Variants in NEK11 observed in about 807,000 individuals in gnomAD.
NEK11 encodes serine/threonine-protein kinase Nek11.
NEK11 carries 72 observed loss-of-function variants against 80.7 expected under a neutral mutation model. The observed-to-expected ratio is 0.89, with a 90% confidence interval of 0.74 to 1.08. The LOEUF is 1.08. Among genes scored for constraint, NEK11 ranks in the 50% least tolerant of loss-of-function variants. NEK11 has a pLI of 0.00. For missense variants in NEK11, 764 were observed against 763.6 expected, an observed-to-expected ratio of 1.00 and a Z score of -0.01; for synonymous variants, 251 against 260.7, an observed-to-expected ratio of 0.96 and a Z score of 0.36.
At chr3:131,168,212 C>G (rs2092398019) in intron 12 of NEK11, among the ~76,000 whole-genome samples, 1 of 152,222 alleles carries the variant, frequency 6.6e-6, no homozygotes, top group African/African-American at 2.4e-5. Context: ...TCAATGGACC[C>G]TCCTCCAAAT....
At chr3:131,087,075 A>G (rs1459859576) in intron 4 of NEK11, among the ~76,000 whole-genome samples, 1 of 152,128 alleles carries the variant, frequency 6.6e-6, no homozygotes, top group Non-Finnish European at 1.5e-5. Context: ...TAGATTTTCA[A>G]TAATGAAAGT....
At chr3:131,141,859 G>A (rs1412163094) in intron 7 of NEK11, among the ~76,000 whole-genome samples, 1 of 152,104 alleles carries the variant, frequency 6.6e-6, no homozygotes, top group African/African-American at 2.4e-5. Context: ...GATGGTGAAT[G>A]ACCCATGTAA....
chr3:131,207,450 G>T (rs1245822703), intron 14 of NEK11, among the ~76,000 whole-genome samples: 2 of 152,154 alleles, frequency 1.3e-5, no homozygotes, highest in Admixed American at 6.5e-5. Flanking sequence ...GGGCGCGGTG[G>T]CAGGCACCTG....
At chr3:131,267,388 C>T (rs1454859163) in intron 16 of NEK11, among the ~76,000 whole-genome samples, 1 of 152,148 alleles carries the variant, frequency 6.6e-6, no homozygotes, top group Non-Finnish European at 1.5e-5. Flanking sequence ...GGCCAGGTGG[C>T]GATAAAATCG....
intron 3 of NEK11, among the ~76,000 whole-genome samples, chr3:131,070,630 GTTTTTTTC>G (rs1369819211): frequency 2.0e-5 from 3 of 152,048 alleles, no homozygotes; most frequent in Admixed American, 6.6e-5. Context: ...AGTTGTTTTT[GTTTTTTTC>G]TTTTTTTCTT....
chr3:131,329,038 A>C (rs1323014924), intron 17 of NEK11: 1 of 152,238 alleles, frequency 6.6e-6, no homozygotes, highest in Non-Finnish European at 1.5e-5. Flanking sequence ...GAAGACAGGC[A>C]GAAACACTGT....
intron 7 of NEK11, among the ~76,000 whole-genome samples, chr3:131,135,226 C>T (rs1211354271): frequency 6.6e-6 from 1 of 152,090 alleles, no homozygotes; most frequent in African/African-American, 2.4e-5. Context: ...ATGGCAATTC[C>T]CCATGAATCC....
intron 5 of NEK11, among the ~76,000 whole-genome samples, chr3:131,130,331 T>C (rs1393000950): frequency 6.6e-6 from 1 of 152,212 alleles, no homozygotes; most frequent in African/African-American, 2.4e-5. Context: ...CAGGAGGTTT[T>C]TTTAATTGAT....
chr3:131,331,794 G>A (rs960135406), intron 17 of NEK11, among the ~76,000 whole-genome samples: 14 of 152,324 alleles, frequency 9.2e-5, no homozygotes, highest in East Asian at 1.9e-4. Flanking sequence ...CTTAAAAAAC[G>A]GTGCACTAGG....
chr3:131,144,157 A>C (rs10512800), intron 7 of NEK11, among the ~76,000 whole-genome samples: 2,575 of 152,242 alleles, frequency 0.017, 42 homozygotes, highest in East Asian at 0.055. Context: ...TTTTCTCAGT[A>C]GTTCCGGACA....
Position 131,165,498 on chromosome 3 carries a change from GC to G in NEK11, c.1156del (p.Leu386Ter). The G allele has an allele frequency of 6.2e-7, 1 of 1,611,644 alleles. No homozygotes were observed. ...QELRSRNFQQ[L>X]SVDVLHEKTH... ...AATTGAGATCTCGGAACTTTCAGCA[GC>G]TGAGTGTTGATGTACTCCATGTAAG... On this transcript the variant is annotated frameshift_variant, in exon 12 of 18. Coordinates refer to ENST00000383366, the MANE Select transcript of NEK11 (RefSeq NM_024800.5). LOFTEE classifies it high-confidence loss of function.
chr3:131,300,831 C>A (rs1232342026), intron 17 of NEK11, among the ~76,000 whole-genome samples: 1 of 151,966 alleles, frequency 6.6e-6, no homozygotes, highest in Non-Finnish European at 1.5e-5. Flanking sequence ...TAACTTTGTT[C>A]TTTTGCTTAA....
chr3:131,306,286 A>T (rs376906839), intron 17 of NEK11, among the ~76,000 whole-genome samples: 32 of 152,148 alleles, frequency 2.1e-4, no homozygotes, highest in African/African-American at 7.7e-4. Context: ...TTTTGTTTTG[A>T]TAACCAAACA....
intron 4 of NEK11, among the ~76,000 whole-genome samples, chr3:131,090,219 C>G (rs1388935514): frequency 2.0e-5 from 3 of 152,098 alleles, no homozygotes; most frequent in African/African-American, 4.8e-5. Context: ...TTCTTTAAAG[C>G]CTCGACATTT....
At chr3:131,070,383 C>G (rs1009222374) in intron 3 of NEK11, among the ~76,000 whole-genome samples, 1 of 152,164 alleles carries the variant, frequency 6.6e-6, no homozygotes, top group African/African-American at 2.4e-5. Flanking sequence ...GGTTGTGGTA[C>G]TTGGAACAAC....
intron 17 of NEK11, among the ~76,000 whole-genome samples, chr3:131,298,926 GTT>G (rs201091833): frequency 7.5e-4 from 90 of 119,584 alleles, no homozygotes; most frequent in African/African-American, 2.5e-3. Flanking sequence ...ATTCTCTTCT[GTT>G]TTTTTTTTTT....
At chr3:131,090,985 A>G (rs1210728371) in intron 4 of NEK11, among the ~76,000 whole-genome samples, 1 of 152,232 alleles carries the variant, frequency 6.6e-6, no homozygotes, top group Non-Finnish European at 1.5e-5. Flanking sequence ...GCTGGTTTCA[A>G]GCTCCTGGCA....
chr3:131,338,024 T>A (rs2097217038), intron 17 of NEK11, among the ~76,000 whole-genome samples: 1 of 152,046 alleles, frequency 6.6e-6, no homozygotes, highest in African/African-American at 2.4e-5. Flanking sequence ...GTCACTGCAG[T>A]GGCACGATCT....
At chr3:131,177,148 TTATGTGC>T (rs1160659043) in intron 14 of NEK11, among the ~76,000 whole-genome samples, 1 of 152,204 alleles carries the variant, frequency 6.6e-6, no homozygotes, top group Non-Finnish European at 1.5e-5. Flanking sequence ...TGCTCCATAC[TTATGTGC>T]TTACCACTTG....
Sources: gnomAD v4.1 joint callset for allele counts (sites outside exome capture counted in the v4.1 genomes callset) on GRCh38, gnomAD v4.1.1 for gene constraint, MANE v1.5 for transcripts, NCBI Gene and HGNC (gene_info 2026-07-23, HGNC 2026-07-21) for gene names.